The following CLMN variants were observed in gnomAD, a reference collection of about 807,000 sequenced individuals.
CLMN encodes the protein calmin (calponin-like, transmembrane).
In CLMN, 57 loss-of-function variants were observed where a neutral mutation model predicts 92.7. That is an observed-to-expected ratio of 0.61 (90% CI 0.50 to 0.77). The LOEUF is 0.77. Among genes scored for constraint, CLMN ranks in the 30% least tolerant of loss-of-function variants. The probability of loss-of-function intolerance (pLI) is 0.00; values close to 1 mark genes in which losing one functional copy is unlikely to be tolerated. For synonymous variants in CLMN, 466 were observed against 470.6 expected (o/e 0.99, Z 0.13); for missense variants, 1,158 against 1,237.5 (o/e 0.94, Z 0.96).
Position 95,223,777 on chromosome 14 carries a change from G to C in CLMN, c.223C>G (p.Leu75Val). 6.2e-7 allele frequency: 1 copy of C among 1,613,432 alleles called. No individual in the cohort carries two copies. The highest frequency in any genetic ancestry group is 8.5e-7 in the Non-Finnish European group (1 of 1,179,670). Reference protein sequence around the residue: ...GKILMALLEVLSGRNLLHEYK... With the variant: ...GKILMALLEVVSGRNLLHEYK... ...ATACGTACCAGATTCCGCCCAGACA[G>C]GACTTCTAACAAAGCCATTAGGATT... The change falls in exon 3 of 13, where the codon CTG becomes GTG. Residue 75 changes from leucine (L) to valine (V), a missense_variant. Transcript: ENST00000298912.
chr14:95,288,847 C>T (rs1345428703), intron 1 of CLMN, among the ~76,000 whole-genome samples: 1 of 152,178 alleles, frequency 6.6e-6, no homozygotes, highest in Non-Finnish European at 1.5e-5. Flanking sequence ...GGTACAGTCG[C>T]ACAAAGGAAT....
At chr14:95,222,671 C>CTTT (rs1221444680) in intron 3 of CLMN, 1 of 449,270 alleles carries the variant, frequency 2.2e-6, no homozygotes. Flanking sequence ...TTCAGGAAGT[C>CTTT]TTTTGGGGAC....
At position 95,191,817 on chromosome 14, in the gene CLMN, G is replaced by A. The variant is rs538111864; in HGVS notation, c.2841-85C>T. On this transcript the variant is annotated intron_variant, in intron 12 of 12. Transcript: ENST00000298912. This position sits in a 1 kb window ranked among gnomAD's most constrained non-coding sequence, Gnocchi z 5.3. The stretch of plus-strand genomic sequence containing the variant: ...CACCCAGTGCTACCCGTCTCTCCCC[G>A]GCCCCCACTCCCCGCCTGAAGACCC... The A allele has an allele frequency of 3.4e-4, 457 of 1,354,124 alleles. 3 individuals are homozygous for A. The African/African-American group carries it at 5.1e-3, about 15-fold the overall frequency. The allele number at this position is 1,354,124 out of a possible 1,614,324, so 83.9% of individuals were successfully genotyped here.
At chr14:95,234,376 A>AC (rs948091953) in intron 1 of CLMN, among the ~76,000 whole-genome samples, 2 of 151,806 alleles carry the variant, frequency 1.3e-5, no homozygotes, top group African/African-American at 4.8e-5. Flanking sequence ...TGAGACGCCC[A>AC]CCCCCCATCC....
chr14:95,308,414 C>T (rs1901378281), intron 1 of CLMN, among the ~76,000 whole-genome samples: 1 of 152,184 alleles, frequency 6.6e-6, no homozygotes, highest in South Asian at 2.1e-4. Context: ...TCAAGTCTCT[C>T]CCCATGTCCC....
At chr14:95,265,580 G>A (rs1032322652) in intron 1 of CLMN, among the ~76,000 whole-genome samples, 3 of 152,184 alleles carry the variant, frequency 2.0e-5, no homozygotes, top group Admixed American at 6.5e-5. Flanking sequence ...GGCACAGTGC[G>A]TGCTACAAAG....
intron 1 of CLMN, among the ~76,000 whole-genome samples, chr14:95,274,715 T>G (rs1201379794): frequency 2.0e-5 from 3 of 152,180 alleles, no homozygotes; most frequent in Non-Finnish European, 4.4e-5. Context: ...GCGCGGTGGC[T>G]CACGCCTGTA....
rs74078318 is a variant in CLMN at position 95,225,810 on chromosome 14, C to A, written c.145-1955G>T. Among the ~76,000 whole-genome samples the A allele has an allele frequency of 3.5e-3, 540 of 152,304 alleles. 3 individuals are homozygous for A. The highest frequency in any genetic ancestry group is 0.012 in the African/African-American group (512 of 41,562). ...GCCTGGGAAGGAAAAGAGCCAGAAG[C>A]CCCCTGGGCTTTCCTCTCTGGGCCT... On this transcript the variant is annotated intron_variant, in intron 2 of 12. Coordinates refer to ENST00000298912, the MANE Select transcript of CLMN (RefSeq NM_024734.4).
chr14:95,229,014 T>C (rs1897798622), intron 2 of CLMN, among the ~76,000 whole-genome samples: 1 of 152,158 alleles, frequency 6.6e-6, no homozygotes, highest in South Asian at 2.1e-4. Context: ...GACGATTACC[T>C]ACAAACATGA....
intron 9 of CLMN, among the ~76,000 whole-genome samples, chr14:95,202,279 T>C (rs745978383): frequency 2.2e-4 from 34 of 152,330 alleles, no homozygotes; most frequent in Admixed American, 9.8e-4. Flanking sequence ...TTCTTACTGG[T>C]GTGAGATGGA....
intron 3 of CLMN, 96 bp from the exon 4 acceptor site, chr14:95,221,870 A>G: frequency 2.5e-6 from 3 of 1,207,194 alleles, no homozygotes; most frequent in South Asian, 2.9e-5. Context: ...CTTTTTTCAC[A>G]TGAATTTCAA....
intron 1 of CLMN, chr14:95,260,379 T>C (rs1775262300): frequency 6.6e-6 from 1 of 151,738 alleles, no homozygotes; most frequent in Non-Finnish European, 1.5e-5. Flanking sequence ...AAAGCGGAGC[T>C]TTCAGTGAGC....
intron 1 of CLMN, among the ~76,000 whole-genome samples, chr14:95,241,555 A>T (rs1050257204): frequency 2.0e-5 from 3 of 152,360 alleles, no homozygotes; most frequent in Admixed American, 6.5e-5. Flanking sequence ...TGAAGTTTCT[A>T]CCCTGAGCAG....
At chr14:95,240,857 A>G (rs114808044) in intron 1 of CLMN, among the ~76,000 whole-genome samples, 3,229 of 152,240 alleles carry the variant, frequency 0.021, 97 homozygotes, top group African/African-American at 0.061. Flanking sequence ...AGAGGAGTCT[A>G]TTCTAGTCAC....
At chr14:95,251,182 T>C (rs1167816157) in intron 1 of CLMN, among the ~76,000 whole-genome samples, 2 of 152,194 alleles carry the variant, frequency 1.3e-5, no homozygotes, top group Non-Finnish European at 2.9e-5. Context: ...AAAGGCAACG[T>C]CCATCTTCTT....
At chr14:95,305,817 C>T (rs2140787543) in intron 1 of CLMN, among the ~76,000 whole-genome samples, 1 of 152,298 alleles carries the variant, frequency 6.6e-6, no homozygotes, top group African/African-American at 2.4e-5. Flanking sequence ...AGGATGCAAA[C>T]AGAGGATTAG....
At position 95,212,646 on chromosome 14, in the gene CLMN, C is replaced by T. The variant is rs146818227; in HGVS notation, c.608+573G>A. Among the ~76,000 whole-genome samples the T allele has an allele frequency of 7.9e-5, 12 of 152,248 alleles. No homozygotes were observed. The East Asian group carries it at 2.1e-3, about 27-fold the overall frequency. ...GTCATTAGAATCCAAGAGACATGCC[C>T]ATGTTGAGAGGCAACATGATGAAGG... On this transcript the variant is annotated intron_variant, in intron 6 of 12. Coordinates refer to ENST00000298912, the MANE Select transcript of CLMN (RefSeq NM_024734.4).
At chr14:95,292,619 G>A (rs552082640) in intron 1 of CLMN, among the ~76,000 whole-genome samples, 7 of 152,132 alleles carry the variant, frequency 4.6e-5, no homozygotes, top group South Asian at 2.1e-4. Flanking sequence ...GCACACTCAC[G>A]GGGACCGACG....
chr14:95,300,813 C>A (rs1488890582), intron 1 of CLMN, among the ~76,000 whole-genome samples: 30 of 152,212 alleles, frequency 2.0e-4, no homozygotes, highest in Non-Finnish European at 4.4e-5. Context: ...TGACTCCCTG[C>A]CATGGAGCAG....
Sources: allele counts gnomAD v4.1 joint callset (sites outside exome capture counted in the v4.1 genomes callset), GRCh38; gene constraint gnomAD v4.1.1; non-coding constraint Gnocchi (gnomAD v3.1); transcripts MANE v1.5; gene names NCBI Gene and HGNC (gene_info 2026-07-23, HGNC 2026-07-21).